Variants in FKBP14 observed in about 807,000 individuals in gnomAD.
FKBP14 encodes FKBP prolyl isomerase 14, also known as peptidyl-prolyl cis-trans isomerase FKBP14.
A neutral mutation model predicts 21.6 loss-of-function variants in FKBP14; 20 were observed. The observed-to-expected ratio is 0.92, with a 90% confidence interval of 0.65 to 1.34. The LOEUF is 1.34. Ranked by LOEUF, FKBP14 falls within the 40% of genes most tolerant of loss-of-function variation. The pLI is 0.00. For synonymous variants in FKBP14, 79 were observed against 86.7 expected, an observed-to-expected ratio of 0.91 and a Z score of 0.49; for missense variants, 253 against 249.0, an observed-to-expected ratio of 1.02 and a Z score of -0.11.
In FKBP14 at chr7:30,011,544, A is replaced by G. The variant is rs1789729368; in HGVS notation, c.*3191T>C. The G allele has an allele frequency of 1.4e-5, 2 of 138,142 alleles. No homozygotes were observed. The highest frequency in any genetic ancestry group is 5.5e-5 in the African/African-American group (2 of 36,602). 8.6% of individuals were successfully genotyped at this position (138,142 alleles called of 1,614,324 possible). A position where few individuals can be genotyped will look rare whatever the true frequency, so the allele number is the denominator to read the frequency against. ...ATATATATACACACACCATATATAT[A>G]TATACTATATATATATATACCATAT... On this transcript the variant is annotated 3_prime_UTR_variant, in exon 4 of 4. Coordinates refer to ENST00000222803, the MANE Select transcript of FKBP14 (RefSeq NM_017946.4).
At chr7:30,016,326 C>G (rs189414300) in intron 3 of FKBP14, among the ~76,000 whole-genome samples, 2 of 152,116 alleles carry the variant, frequency 1.3e-5, no homozygotes, top group Non-Finnish European at 2.9e-5. Flanking sequence ...TAATCACAAC[C>G]TTTCAATCTC....
chr7:30,020,400 A>T (rs571563280), intron 2 of FKBP14: 3 of 491,908 alleles, frequency 6.1e-6, no homozygotes, highest in Non-Finnish European at 1.0e-5. Context: ...CTTATTGTGA[A>T]GTAAACTTGA....
At chr7:30,020,576 TATAAA>T (rs1004739429) in intron 2 of FKBP14, among the ~76,000 whole-genome samples, 14 of 152,184 alleles carry the variant, frequency 9.2e-5, no homozygotes, top group Admixed American at 6.5e-4. Flanking sequence ...AAGTTTAATT[TATAAA>T]ATAGTCATAG....
chr7:30,008,004 G>T (rs1292299465), downstream of FKBP14, among the ~76,000 whole-genome samples: 3 of 152,070 alleles, frequency 2.0e-5, no homozygotes, highest in East Asian at 1.9e-4. Context: ...AGCTGAGATT[G>T]TGCCACTGCA....
At position 30,013,270 on chromosome 7, in the gene FKBP14, G is replaced by C. The variant is rs1261081155; in HGVS notation, c.*1465C>G. The C allele has an allele frequency of 6.9e-6, 1 of 145,516 alleles. No homozygotes were observed. The highest frequency in any genetic ancestry group is 6.9e-5 in the Admixed American group (1 of 14,452). The allele number at this position is 145,516 out of a possible 1,614,324, so 9.0% of individuals were successfully genotyped here. On this transcript the variant is annotated 3_prime_UTR_variant, in exon 4 of 4. Coordinates refer to ENST00000222803, the MANE Select transcript of FKBP14 (RefSeq NM_017946.4). ...GGTCTGCTTCTTTTTTTTTTTTTGA[G>C]ATGGAGTCTTGCTCTGTCACCCAGG...
At chr7:30,019,341 G>T (rs1439017419) in intron 2 of FKBP14, among the ~76,000 whole-genome samples, 1 of 151,900 alleles carries the variant, frequency 6.6e-6, no homozygotes, top group Non-Finnish European at 1.5e-5. Context: ...TTCTATCTTT[G>T]GCTTAGCAAT....
In FKBP14 at chr7:30,011,073, C is replaced by T. The variant is rs1242204935; in HGVS notation, c.*3662G>A. The T allele has an allele frequency of 6.6e-6, 1 of 151,624 alleles. No individual in the cohort carries two copies. The highest frequency in any genetic ancestry group is 2.4e-5 in the African/African-American group (1 of 41,270). The allele number at this position is 151,624 out of a possible 1,614,324, so 9.4% of individuals were successfully genotyped here. A position where few individuals can be genotyped will look rare whatever the true frequency, so the allele number is the denominator to read the frequency against. ...TTTTTTTTGAGACAGAGTCTTGCTC[C>T]TCTGTCACCCAGACTAGAGTGCAGT... is the stretch of plus-strand genomic sequence containing the variant. On this transcript the variant is annotated 3_prime_UTR_variant, in exon 4 of 4. Transcript: ENST00000222803.
Position 30,014,589 on chromosome 7 carries a change from A to G in FKBP14, c.*146T>C. On this transcript the variant is annotated 3_prime_UTR_variant, in exon 4 of 4. Coordinates refer to ENST00000222803, the MANE Select transcript of FKBP14 (RefSeq NM_017946.4). ...GAAAGAAATGGGTACTTAGAAACCT[A>G]AGGGGTTCTTTAAATAGGAGTCAGA... 2.1e-6 allele frequency: 1 copy of G among 475,734 alleles called. No homozygotes were observed. The highest frequency in any genetic ancestry group is 3.4e-6 in the Non-Finnish European group (1 of 297,476). The allele number at this position is 475,734 out of a possible 1,614,324, so 29.5% of individuals were successfully genotyped here.
chr7:30,007,073 T>C (rs868779102), downstream of FKBP14, among the ~76,000 whole-genome samples: 1 of 152,208 alleles, frequency 6.6e-6, no homozygotes, highest in Non-Finnish European at 1.5e-5. Flanking sequence ...ACTGGGTACA[T>C]TTTGTTGAAT....
chr7:30,007,349 A>C (rs541449338), downstream of FKBP14, among the ~76,000 whole-genome samples: 6 of 152,044 alleles, frequency 3.9e-5, no homozygotes, highest in East Asian at 1.2e-3. Flanking sequence ...AGCTGGGACT[A>C]CAAGCATGCA....
intron 2 of FKBP14, among the ~76,000 whole-genome samples, chr7:30,021,904 G>C (rs184112710): frequency 3.8e-4 from 58 of 152,248 alleles, no homozygotes; most frequent in African/African-American, 1.2e-3. Flanking sequence ...AGTTGCAGGG[G>C]TTCTCACTTG....
At chr7:30,020,276 A>G in intron 2 of FKBP14, 1 of 1,279,210 alleles carries the variant, frequency 7.8e-7, no homozygotes, top group East Asian at 6.2e-5. Flanking sequence ...TATCTTTCCA[A>G]AAGAGGCATG....
chr7:30,024,648 G>A (rs1428504917), intron 1 of FKBP14, among the ~76,000 whole-genome samples: 19 of 152,036 alleles, frequency 1.2e-4, no homozygotes. Context: ...TGCCTGCCTC[G>A]GCCTCCCAAA....
chr7:30,016,481 A>G (rs949447103), intron 3 of FKBP14, among the ~76,000 whole-genome samples: 3 of 151,714 alleles, frequency 2.0e-5, no homozygotes, highest in Non-Finnish European at 4.4e-5. Context: ...ACAACTTCCA[A>G]CTCCCAGGTT....
intron 2 of FKBP14, 23 bp from the exon 3 acceptor site, chr7:30,019,146 A>G (rs1789966404): frequency 6.4e-7 from 1 of 1,553,300 alleles, no homozygotes; most frequent in Admixed American, 2.4e-5. Context: ...AAGAAGGCAG[A>G]AAGTTTTAAA....
At chr7:30,025,349 A>G (rs1288063777) in intron 1 of FKBP14, 2 of 152,198 alleles carry the variant, frequency 1.3e-5, no homozygotes, top group Non-Finnish European at 2.9e-5. Flanking sequence ...TGTACCCTAT[A>G]TCATTGCATT....
At position 30,014,905 on chromosome 7, in the gene FKBP14, C is replaced by T; in HGVS notation, c.478-12G>A. 1 of 1,558,096 alleles carries T rather than the reference C, an allele frequency of 6.4e-7. No homozygotes were observed. The highest frequency in any genetic ancestry group is 8.7e-7 in the Non-Finnish European group (1 of 1,155,712). ...AAATATGCTTTAACCTACAAAATAA[C>T]AGATCCCATTAATAACTTGGATTCA... On this transcript the variant is annotated splice_polypyrimidine_tract_variant and intron_variant, in intron 3 of 3. Transcript: ENST00000222803.
chr7:30,014,948 G>A (rs1357786246), intron 3 of FKBP14, 55 bp from the exon 4 acceptor site: 2 of 1,235,574 alleles, frequency 1.6e-6, no homozygotes, highest in African/African-American at 1.5e-5. Context: ...CCCACATTGA[G>A]CCAATCAATA....
intron 3 of FKBP14, among the ~76,000 whole-genome samples, chr7:30,016,690 G>T (rs779826885): frequency 6.6e-6 from 1 of 151,954 alleles, no homozygotes; most frequent in Admixed American, 6.6e-5. Context: ...CACCATGCCC[G>T]GACTCCATTT....
Sources: gnomAD v4.1 joint callset for allele counts (sites outside exome capture counted in the v4.1 genomes callset) on GRCh38, gnomAD v4.1.1 for gene constraint, MANE v1.5 for transcripts, NCBI Gene and HGNC (gene_info 2026-07-23, HGNC 2026-07-21) for gene names.